NOP14: variants seen among roughly 807,000 people sequenced by gnomAD.
The protein encoded by NOP14 is nucleolar protein 14.
Under a neutral mutation model 101.6 loss-of-function variants are expected in NOP14, and 57 were observed. The ratio of observed to expected loss-of-function variants is 0.56; its 90% CI spans 0.45 to 0.70. The LOEUF is 0.70. Among genes scored for constraint, NOP14 ranks in the 30% least tolerant of loss-of-function variants. The probability of loss-of-function intolerance (pLI) is 0.00; values close to 1 mark genes in which losing one functional copy is unlikely to be tolerated. For synonymous variants in NOP14, 428 were observed against 424.0 expected (o/e 1.01, Z -0.12); for missense variants, 1,134 against 1,075.5 (o/e 1.05, Z -0.76).
At chr4:2,962,166 A>G (rs1716031577) in intron 1 of NOP14, among the ~76,000 whole-genome samples, 1 of 152,226 alleles carries the variant, frequency 6.6e-6, no homozygotes, top group Non-Finnish European at 1.5e-5. Flanking sequence ...CTCACAAACC[A>G]CCACGAGGGG....
rs867165981 is a variant in NOP14, at chr4:2,948,194, T to A, written c.1413+84A>T. The A allele has an allele frequency of 2.0e-6, 3 of 1,478,510 alleles. No individual in the cohort carries two copies. In the Middle Eastern group the frequency reaches 6.4e-4, roughly 316 times the overall value. 91.6% of individuals were successfully genotyped at this position (1,478,510 alleles called of 1,614,324 possible). On this transcript the variant is annotated intron_variant, in intron 9 of 17. Coordinates refer to ENST00000416614, the MANE Select transcript of NOP14 (RefSeq NM_001291978.2). ...ATCTGGCCTGAGGCACACATGGCCG[T>A]TGCACAACTTCACACAATTCTGGCA...
chr4:2,953,643 C>T lies in NOP14; in HGVS notation c.615G>A (p.Arg205=), dbSNP rs781340848. The T allele has an allele frequency of 6.5e-5, 105 of 1,613,860 alleles. No individual in the cohort carries two copies. Among genetic ancestry groups the T allele is most frequent in the Middle Eastern group, 1.6e-4 (1 of 6,084 alleles). The change falls in exon 5 of 18, where the codon AGG becomes AGA. Residue 205 remains arginine, a splice_region_variant and synonymous_variant. Transcript: ENST00000416614. ...ELIAKSKQEK[R]ERQAQREDAL... ...CATCTTCTCGTTGAGCTTGTCTCTC[C>T]CTCTGGGGAAAAAATAACAGACACA... is the stretch of plus-strand genomic sequence containing the variant.
At chr4:2,939,996 G>A (rs759666772) in intron 15 of NOP14, among the ~76,000 whole-genome samples, 17 of 150,808 alleles carry the variant, frequency 1.1e-4, no homozygotes, top group Admixed American at 2.6e-4. Context: ...CTCTTTCCCA[G>A]ACAAACTTGG....
rs373629106 is a variant in NOP14, at chr4:2,956,720, T to C, written c.422A>G (p.Asn141Ser). The C allele has an allele frequency of 3.5e-5, 57 of 1,613,652 alleles. No homozygotes were observed. The highest frequency in any genetic ancestry group is 5.0e-5 in the Admixed American group (3 of 59,954). ...ATCGCTGTCACTGTCCACAATGTCATTATGCTTCTCGATGTCTGCCAAAGA... is the reference window on the plus strand; with the variant it reads ...ATCGCTGTCACTGTCCACAATGTCACTATGCTTCTCGATGTCTGCCAAAGA... ...GQSLADIEKH[N>S]DIVDSDSDAE... The change falls in exon 3 of 18, where the codon AAT (asparagine) becomes AGT (serine). Residue 141 changes from asparagine to serine, a missense_variant. Physicochemically the swap from Asn to Ser is conservative, Grantham distance 46. Transcript: ENST00000416614.
intron 10 of NOP14, chr4:2,947,267 A>AG: frequency 3.8e-6 from 2 of 532,224 alleles, no homozygotes; most frequent in Middle Eastern, 4.9e-4. Context: ...ACAAATCTAA[A>AG]GGGGTTCACT....
intron 12 of NOP14, 86 bp from the exon 13 acceptor site, chr4:2,944,312 G>A (rs939117677): frequency 6.4e-6 from 8 of 1,243,746 alleles, no homozygotes; most frequent in Non-Finnish European, 9.1e-6. Context: ...GATGAACCAC[G>A]CACCCCACTG....
chr4:2,959,668 A>T (rs182516907), intron 1 of NOP14, among the ~76,000 whole-genome samples: 29 of 152,246 alleles, frequency 1.9e-4, no homozygotes, highest in Admixed American at 5.2e-4. Context: ...AAAGACAGCG[A>T]GTGTCCCCAG....
chr4:2,955,095 GGCGCCCCCTCTAGTCACCTGCGCCACA>G (rs1309637590), intron 3 of NOP14, among the ~76,000 whole-genome samples: 9 of 127,298 alleles, frequency 7.1e-5, no homozygotes, highest in East Asian at 2.4e-4. Flanking sequence ...CCTGCGCCAC[GGCGCCCCCTCTAGTCACCTGCGCCACA>G]GCGCCCCCTC....
At chr4:2,962,175 G>A (rs1271096012) in intron 1 of NOP14, among the ~76,000 whole-genome samples, 4 of 152,124 alleles carry the variant, frequency 2.6e-5, no homozygotes, top group African/African-American at 9.7e-5. Flanking sequence ...CACCACGAGG[G>A]GTAGGATGTA....
chr4:2,947,658 G>T, intron 9 of NOP14, 47 bp from the exon 10 acceptor site: 1 of 1,472,084 alleles, frequency 6.8e-7, no homozygotes, highest in Non-Finnish European at 9.5e-7. Flanking sequence ...TCAGCACCAA[G>T]AACAAAGCCA....
rs767298580 is a variant in NOP14, at chr4:2,949,989, G to A, written c.1227C>T (p.Ser409=). The A allele has an allele frequency of 1.9e-5, 30 of 1,613,972 alleles. No individual in the cohort carries two copies. The African/African-American group carries it at 2.7e-4, about 14-fold the overall frequency. The change falls in exon 8 of 18, where the codon AGC becomes AGT. Residue 409 remains serine (S), a synonymous_variant. Coordinates refer to ENST00000416614, the MANE Select transcript of NOP14 (RefSeq NM_001291978.2). ...QRQTPGKGLI[S]GKERAGKATR... ...TAGCTTTTCCAGCTCTTTCCTTGCC[G>A]CTTATCAACCCTTTCCCAGGAGTCT...
rs746553674 is a variant in NOP14, at chr4:2,942,326, T to C, written c.1917A>G (p.Arg639=). ...GCAGTTCCGAGTTCTTCCCAAGCGC[T>C]CTGAAAGGGTGCACCAGAGTGGAAC... The part of the protein sequence containing the change: ...SQGSTLVHPF[R]ALGKNSELLV... Residue 639 remains arginine (R), a synonymous_variant, in exon 14 of 18, where the codon AGA becomes AGG. Coordinates refer to ENST00000416614, the MANE Select transcript of NOP14 (RefSeq NM_001291978.2). The C allele has an allele frequency of 6.2e-7, 1 of 1,613,956 alleles. No homozygotes were observed. Among genetic ancestry groups the C allele is most frequent in the Non-Finnish European group, 8.5e-7 (1 of 1,179,912 alleles).
chr4:2,961,202 A>AATATTATT (rs1553864837), intron 1 of NOP14, among the ~76,000 whole-genome samples: 4 of 102,116 alleles, frequency 3.9e-5, no homozygotes, highest in Non-Finnish European at 7.3e-5. Context: ...CTAATATTAT[A>AATATTATT]ATAATATATT....
chr4:2,941,274 A>C (rs1714158617), intron 15 of NOP14: 2 of 368,154 alleles, frequency 5.4e-6, no homozygotes, highest in East Asian at 5.7e-5. Context: ...CTCAGAGCTG[A>C]CTGTCCAGGC....
chr4:2,946,340 C>T (rs761553645), intron 11 of NOP14, 72 bp downstream of exon 11: 5 of 1,566,006 alleles, frequency 3.2e-6, no homozygotes, highest in South Asian at 2.3e-5. Context: ...GCATCGTACC[C>T]GTCGTCCACC....
chr4:2,961,744 T>C (rs1715946334), intron 1 of NOP14: 1 of 152,224 alleles, frequency 6.6e-6, no homozygotes, highest in Non-Finnish European at 1.5e-5. Flanking sequence ...TGGACTTTCC[T>C]AACTATTACA....
rs1232913845 is a variant in NOP14, at chr4:2,945,243, G to C, written c.1636-14C>G. ...CAAATAAATGAGCTGGAAAGAAAGT[G>C]TTACCACAGGTTAAAGAAGGTAAAT... is the stretch of plus-strand genomic sequence containing the variant. On this transcript the variant is annotated splice_polypyrimidine_tract_variant and intron_variant, in intron 11 of 17. Coordinates refer to ENST00000416614, the MANE Select transcript of NOP14 (RefSeq NM_001291978.2). 1 of 1,539,486 alleles carries C rather than the reference G, an allele frequency of 6.5e-7. No individual in the cohort carries two copies. Among genetic ancestry groups the C allele is most frequent in the African/African-American group, 1.4e-5 (1 of 73,184 alleles).
chr4:2,938,304 T>C lies in NOP14; in HGVS notation c.*527A>G. 9.7e-7 allele frequency: 1 copy of C among 1,032,344 alleles called. No homozygotes were observed. The highest frequency in any genetic ancestry group is 1.3e-6 in the Non-Finnish European group (1 of 755,928). 63.9% of individuals were successfully genotyped at this position (1,032,344 alleles called of 1,614,324 possible). ...GGGGGGCCAAGGCAGGTGGATTACCTGAGGTCGGGAATTCGAGACCAGCCT... is the reference window on the plus strand; with the variant it reads ...GGGGGGCCAAGGCAGGTGGATTACCCGAGGTCGGGAATTCGAGACCAGCCT... On this transcript the variant is annotated 3_prime_UTR_variant, in exon 18 of 18. Transcript: ENST00000416614.
intron 1 of NOP14, 110 bp downstream of exon 1, chr4:2,963,015 G>C: frequency 8.8e-7 from 1 of 1,137,906 alleles, no homozygotes. Context: ...TGCCTGTCAC[G>C]GCCTGTGCCG....
Sources: gnomAD v4.1 joint callset for allele counts (sites outside exome capture counted in the v4.1 genomes callset) on GRCh38, gnomAD v4.1.1 for gene constraint, MANE v1.5 for transcripts, NCBI Gene and HGNC (gene_info 2026-07-23, HGNC 2026-07-21) for gene names.